Variants in ROR2 observed in about 807,000 individuals in gnomAD.
ROR2 encodes the protein tyrosine-protein kinase transmembrane receptor ROR2.
ROR2 carries 33 observed loss-of-function variants against 74.9 expected under a neutral mutation model. The ratio of observed to expected loss-of-function variants is 0.44; its 90% CI spans 0.33 to 0.59. The LOEUF (loss-of-function observed/expected upper bound fraction) is 0.59, where lower values mean the gene tolerates loss of function less well. Among genes scored for constraint, ROR2 ranks in the 20% least tolerant of loss-of-function variants. The probability of loss-of-function intolerance (pLI) is 0.02; values close to 1 mark genes in which losing one functional copy is unlikely to be tolerated. For synonymous variants in ROR2, 586 were observed against 558.7 expected, an observed-to-expected ratio of 1.05 and a Z score of -0.69; for missense variants, 1,216 against 1,313.8, an observed-to-expected ratio of 0.93 and a Z score of 1.15.
At chr9:91,843,822 C>T (rs908906956) in intron 1 of ROR2, among the ~76,000 whole-genome samples, 6 of 152,222 alleles carry the variant, frequency 3.9e-5, no homozygotes, top group Non-Finnish European at 8.8e-5. Context: ...GAATGAGTGA[C>T]CTCGTTTAGT....
intron 1 of ROR2, among the ~76,000 whole-genome samples, chr9:91,831,206 A>T (rs972243177): frequency 2.6e-5 from 4 of 151,808 alleles, no homozygotes; most frequent in Admixed American, 2.0e-4. Flanking sequence ...GGCTGTGGTG[A>T]GCCGAGATTG....
chr9:91,937,818 A>T (rs924343966), intron 1 of ROR2, among the ~76,000 whole-genome samples: 6 of 152,026 alleles, frequency 3.9e-5, no homozygotes, highest in Non-Finnish European at 7.4e-5. Context: ...GGCTCAAGTG[A>T]TCCTCCTGTC....
intron 4 of ROR2, among the ~76,000 whole-genome samples, chr9:91,745,620 T>G (rs1825387687): frequency 6.6e-6 from 1 of 151,788 alleles, no homozygotes. Flanking sequence ...GGGATGGGGT[T>G]TCACCATGTT....
chr9:91,804,362 G>A (rs1312918790), intron 1 of ROR2, among the ~76,000 whole-genome samples: 2 of 152,174 alleles, frequency 1.3e-5, no homozygotes, highest in Non-Finnish European at 2.9e-5. Flanking sequence ...GTAGCAGTGC[G>A]TGTGCCAGCC....
chr9:91,776,188 A>C (rs1826416214), intron 1 of ROR2, among the ~76,000 whole-genome samples: 1 of 152,196 alleles, frequency 6.6e-6, no homozygotes. Context: ...CAGATGCCGC[A>C]GACTGCCCTC....
chr9:91,725,015 G>A lies in ROR2; in HGVS notation c.1479C>T (p.Phe493=), dbSNP rs368196613. ...RFGKVYKGHL[F]GPAPGEQTQA... ...GGGTCTGCTCCCCCGGGGCAGGGCC[G>A]AACAGGTGACCTTTGTAGACTTTCC... Residue 493 remains phenylalanine, a synonymous_variant, in exon 9 of 9, where the codon TTC becomes TTT. Transcript: ENST00000375708. The A allele has an allele frequency of 2.0e-5, 32 of 1,613,754 alleles. No individual in the cohort carries two copies. The highest frequency in any genetic ancestry group is 6.7e-5 in the Admixed American group (4 of 60,006).
At chr9:91,828,590 TG>T (rs1828363154) in intron 1 of ROR2, among the ~76,000 whole-genome samples, 1 of 152,156 alleles carries the variant, frequency 6.6e-6, no homozygotes, top group Admixed American at 6.6e-5. Flanking sequence ...AGTGCACGCC[TG>T]TAATCCCAGG....
chr9:91,895,532 C>A (rs1278948413), intron 1 of ROR2, among the ~76,000 whole-genome samples: 2 of 152,086 alleles, frequency 1.3e-5, no homozygotes, highest in Non-Finnish European at 2.9e-5. Context: ...TTGTTGTGAA[C>A]CTAAAATGTT....
intron 1 of ROR2, among the ~76,000 whole-genome samples, chr9:91,933,675 G>C (rs2117975525): frequency 6.6e-6 from 1 of 152,314 alleles, no homozygotes; most frequent in Admixed American, 6.5e-5. Flanking sequence ...TAAAAACAAA[G>C]AAAGAATGGA....
At chr9:91,883,918 G>A (rs890504653) in intron 1 of ROR2, among the ~76,000 whole-genome samples, 7 of 152,036 alleles carry the variant, frequency 4.6e-5, no homozygotes, top group South Asian at 2.1e-4. Context: ...AGCATGAGTT[G>A]CATCTGGAGG....
chr9:91,806,386 C>T (rs928362167), intron 1 of ROR2, among the ~76,000 whole-genome samples: 5 of 152,088 alleles, frequency 3.3e-5, no homozygotes, highest in Admixed American at 6.5e-5. Flanking sequence ...GCTAATCTCA[C>T]GTATGAGGGT....
chr9:91,880,864 T>C (rs934292350), intron 1 of ROR2, among the ~76,000 whole-genome samples: 1 of 152,166 alleles, frequency 6.6e-6, no homozygotes. Context: ...GACCCTGCAG[T>C]GAATCCTGCT....
At chr9:91,831,210 G>A (rs1408852919) in intron 1 of ROR2, among the ~76,000 whole-genome samples, 2 of 151,110 alleles carry the variant, frequency 1.3e-5, no homozygotes, top group African/African-American at 4.9e-5. Context: ...GTGGTGAGCC[G>A]AGATTGCACC....
intron 1 of ROR2, among the ~76,000 whole-genome samples, chr9:91,842,036 C>T (rs1828796688): frequency 6.6e-6 from 1 of 152,174 alleles, no homozygotes; most frequent in African/African-American, 2.4e-5. Flanking sequence ...CCAGCCTCAC[C>T]AGGCCAGGCT....
chr9:91,929,673 T>C (rs937953451), intron 1 of ROR2, among the ~76,000 whole-genome samples: 4 of 152,054 alleles, frequency 2.6e-5, no homozygotes, highest in African/African-American at 9.7e-5. Context: ...CAGAGCAAAG[T>C]TGCTTCACAC....
At chr9:91,884,706 C>T (rs142398634) in intron 1 of ROR2, among the ~76,000 whole-genome samples, 19 of 152,226 alleles carry the variant, frequency 1.2e-4, no homozygotes, top group Admixed American at 4.6e-4. Flanking sequence ...GGCTGTCATA[C>T]ACATTCAAGA....
chr9:91,822,432 C>T (rs571444144), intron 1 of ROR2, among the ~76,000 whole-genome samples: 48 of 152,310 alleles, frequency 3.2e-4, no homozygotes, highest in African/African-American at 1.1e-3. Flanking sequence ...GCACCTGCTT[C>T]CAGGGCTCCC....
intron 1 of ROR2, among the ~76,000 whole-genome samples, chr9:91,822,480 T>C (rs1828166366): frequency 6.6e-6 from 1 of 152,228 alleles, no homozygotes; most frequent in Admixed American, 6.5e-5. Flanking sequence ...ACAAAAATGA[T>C]TCTGTAATAC....
In ROR2 at chr9:91,724,066, G is replaced by T. The variant is rs1331048394; in HGVS notation, c.2428C>A (p.Pro810Thr). Reference protein sequence around the residue: ...QFIPMKGQIRPMVPPPQLYVP... With the variant: ...QFIPMKGQIRTMVPPPQLYVP... ...TAGAGCTGCGGCGGGGGCACCATGG[G>T]TCTGATCTGGCCCTTCATGGGGATG... The change falls in exon 9 of 9, where the codon CCC (proline) becomes ACC (threonine). Residue 810 changes from proline (P) to threonine (T), a missense_variant. Physicochemically the swap from Pro to Thr is conservative, Grantham distance 38 (BLOSUM62 -1). Transcript: ENST00000375708. The T allele has an allele frequency of 1.8e-5, 29 of 1,610,860 alleles. No homozygotes were observed. Among genetic ancestry groups the T allele is most frequent in the Non-Finnish European group, 2.4e-5 (28 of 1,179,730 alleles).
Sources: allele counts gnomAD v4.1 joint callset (sites outside exome capture counted in the v4.1 genomes callset), GRCh38; gene constraint gnomAD v4.1.1; transcripts MANE v1.5; gene names NCBI Gene and HGNC (gene_info 2026-07-23, HGNC 2026-07-21).